Variants in SYCP1 observed in about 807,000 individuals in gnomAD.
SYCP1 encodes the protein synaptonemal complex protein 1.
In SYCP1, 64 loss-of-function variants were observed where a neutral mutation model predicts 153.1. That is an observed-to-expected ratio of 0.42 (90% CI 0.34 to 0.51). SYCP1 has a LOEUF of 0.51. Among genes scored for constraint, SYCP1 ranks in the 20% least tolerant of loss-of-function variants. The pLI is 0.06. For missense variants in SYCP1, 997 were observed against 1,049.0 expected, an observed-to-expected ratio of 0.95 and a Z score of 0.68; for synonymous variants, 384 against 341.8, an observed-to-expected ratio of 1.12 and a Z score of -1.36.
At chr1:114,857,323 C>A (rs779507429) in intron 4 of SYCP1, 48 bp downstream of exon 4, 23 of 1,570,432 alleles carry the variant, frequency 1.5e-5, no homozygotes, top group Non-Finnish European at 2.0e-5. Context: ...AGGTAATGAA[C>A]TGCTTATTTG....
chr1:114,949,909 C>A lies in SYCP1; in HGVS notation c.2322+2589C>A, dbSNP rs571403291. ...CCTCCATTTACATCGTATTGTGTTTCTTTCTGATCATCTATGAAAAAATAT... is the reference window on the plus strand; with the variant it reads ...CCTCCATTTACATCGTATTGTGTTTATTTCTGATCATCTATGAAAAAATAT... On this transcript the variant is annotated intron_variant, in intron 27 of 31. Transcript: ENST00000369522. Among the ~76,000 whole-genome samples, 42 of 152,240 alleles carry A rather than the reference C, an allele frequency of 2.8e-4. No individual in the cohort carries two copies. In the South Asian group the frequency reaches 6.8e-3, roughly 25 times the overall value.
intron 27 of SYCP1, among the ~76,000 whole-genome samples, chr1:114,965,749 A>G (rs996446141): frequency 8.5e-5 from 13 of 152,170 alleles, no homozygotes; most frequent in African/African-American, 2.9e-4. Context: ...TAGGTTTGCC[A>G]GTATTTTATT....
intron 23 of SYCP1, among the ~76,000 whole-genome samples, chr1:114,933,672 C>T (rs539429764): frequency 5.6e-4 from 84 of 149,078 alleles, no homozygotes; most frequent in African/African-American, 9.2e-4. Flanking sequence ...ATTAGACAGA[C>T]GGCTAACTAG....
chr1:114,950,981 C>T (rs570916091), intron 27 of SYCP1, among the ~76,000 whole-genome samples: 56 of 152,112 alleles, frequency 3.7e-4, no homozygotes, highest in Non-Finnish European at 3.8e-4. Flanking sequence ...TCTGCCACCA[C>T]GCCTGGATAA....
In SYCP1 at chr1:114,981,353, A is replaced by G. The variant is rs781009437; in HGVS notation, c.2400A>G (p.Leu800=). ...EKKDKKTQTF[L]LETPEIYWKL... Reference sequence around the variant, plus strand: ...CAATGCAGAAAACACAAACATTTTTATTGGAAACACCTGAAATTTATTGGA... The same window carrying G: ...CAATGCAGAAAACACAAACATTTTTGTTGGAAACACCTGAAATTTATTGGA... The change falls in exon 29 of 32, where the codon TTA becomes TTG. Residue 800 remains leucine, a synonymous_variant. Transcript: ENST00000369522. 1.3e-6 allele frequency: 2 copies of G among 1,592,824 alleles called. No individual in the cohort carries two copies. The highest frequency in any genetic ancestry group is 8.5e-7 in the Non-Finnish European group (1 of 1,173,178).
rs757808132 is a variant in SYCP1 at position 114,914,026 on chromosome 1, G to A, written c.1699G>A (p.Glu567Lys). The A allele has an allele frequency of 6.4e-7, 1 of 1,571,718 alleles. No individual in the cohort carries two copies. The highest frequency in any genetic ancestry group is 8.6e-7 in the Non-Finnish European group (1 of 1,161,306). Residue 567 changes from glutamate to lysine, a missense_variant, in exon 20 of 32, where the codon GAA (glutamate) becomes AAA (lysine). Glu to Lys is a moderately conservative substitution (Grantham distance 56). Coordinates refer to ENST00000369522, the MANE Select transcript of SYCP1 (RefSeq NM_003176.4). ...RMLKQIENLQ[E>K]TETQLRNELE... ...GTTGAAACAAATAGAAAATCTTCAAGAAACAGAAACCCAATTAAGGCAAGA... is the reference window on the plus strand; with the variant it reads ...GTTGAAACAAATAGAAAATCTTCAAAAAACAGAAACCCAATTAAGGCAAGA...
chr1:114,989,021 G>T (rs1210386572), intron 30 of SYCP1, among the ~76,000 whole-genome samples: 1 of 151,840 alleles, frequency 6.6e-6, no homozygotes, highest in African/African-American at 2.4e-5. Context: ...ATGGAAATTA[G>T]TCAGGCATTG....
chr1:114,963,487 C>T (rs1671909436), intron 27 of SYCP1, among the ~76,000 whole-genome samples: 1 of 152,164 alleles, frequency 6.6e-6, no homozygotes, highest in Non-Finnish European at 1.5e-5. Flanking sequence ...AATCTATCAT[C>T]TACATTAGGT....
At chr1:114,859,308 G>C (rs895732799) in intron 6 of SYCP1, among the ~76,000 whole-genome samples, 1 of 152,096 alleles carries the variant, frequency 6.6e-6, no homozygotes, top group Non-Finnish European at 1.5e-5. Context: ...GGCTGGTCTT[G>C]AACTCCTAGA....
At chr1:114,909,593 TG>T (rs1418494559) in intron 16 of SYCP1, among the ~76,000 whole-genome samples, 6 of 151,788 alleles carry the variant, frequency 4.0e-5, no homozygotes, top group Non-Finnish European at 5.9e-5. Flanking sequence ...GTGGGAGAGT[TG>T]GTCTCTGGGC....
Position 114,977,591 on chromosome 1 carries a change from C to A in SYCP1, c.2357C>A (p.Ala786Asp), listed in dbSNP as rs868773341. 1 of 1,504,338 alleles carries A rather than the reference C, an allele frequency of 6.6e-7. No individual in the cohort carries two copies. Among genetic ancestry groups the A allele is most frequent in the East Asian group, 2.4e-5 (1 of 40,912 alleles). 93.2% of individuals were successfully genotyped at this position (1,504,338 alleles called of 1,614,324 possible). The change falls in exon 28 of 32, where the codon GCT becomes GAT. Residue 786 changes from alanine (A) to aspartate (D), a missense_variant. By Grantham distance (126) the Ala-to-Asp change is moderately radical. This residue lies in a region of SYCP1 where 712 missense variants were observed against 682.9 expected (regional missense o/e 1.04). Coordinates refer to ENST00000369522, the MANE Select transcript of SYCP1 (RefSeq NM_003176.4). ...AAAAGAGAGGCAAAAGAAAACACAGCTACTCTTAAAGAAAAAAAAGACAAG... is the reference window on the plus strand; with the variant it reads ...AAAAGAGAGGCAAAAGAAAACACAGATACTCTTAAAGAAAAAAAAGACAAG... ...KLKREAKENT[A>D]TLKEKKDKKT...
chr1:114,941,011 C>A (rs1242135004), intron 23 of SYCP1, among the ~76,000 whole-genome samples: 1 of 151,978 alleles, frequency 6.6e-6, no homozygotes, highest in Non-Finnish European at 1.5e-5. Context: ...TACGATAGAA[C>A]TTTATGTGTA....
At chr1:114,989,712 A>G (rs1158018270) in intron 30 of SYCP1, among the ~76,000 whole-genome samples, 1 of 152,016 alleles carries the variant, frequency 6.6e-6, no homozygotes, top group Non-Finnish European at 1.5e-5. Flanking sequence ...TGAAGTGTCT[A>G]TACTACTATC....
intron 16 of SYCP1, among the ~76,000 whole-genome samples, chr1:114,906,510 T>C (rs1347847529): frequency 2.0e-5 from 3 of 152,156 alleles, no homozygotes; most frequent in African/African-American, 7.2e-5. Flanking sequence ...TGCTATAAAT[T>C]TCCTCTAGTC....
intron 15 of SYCP1, among the ~76,000 whole-genome samples, chr1:114,893,407 A>G (rs1666860765): frequency 6.6e-6 from 1 of 151,596 alleles, no homozygotes; most frequent in African/African-American, 2.4e-5. Context: ...CTCTCTATCT[A>G]AATTTGTTTC....
intron 16 of SYCP1, among the ~76,000 whole-genome samples, chr1:114,908,261 T>G (rs1276047857): frequency 6.6e-6 from 1 of 152,104 alleles, no homozygotes; most frequent in Non-Finnish European, 1.5e-5. Context: ...TCTTATTGTC[T>G]TTGATCCTCC....
intron 15 of SYCP1, 117 bp from the exon 16 acceptor site, chr1:114,895,331 G>C: frequency 2.0e-6 from 1 of 510,566 alleles, no homozygotes; most frequent in Non-Finnish European, 3.4e-6. Flanking sequence ...CATTGCTCTA[G>C]TTGCATTTGT....
Position 114,946,378 on chromosome 1 carries a change from T to C in SYCP1, c.2244T>C (p.Ser748=), listed in dbSNP as rs1670709166. 1 of 1,577,700 alleles carries C rather than the reference T, an allele frequency of 6.3e-7. No homozygotes were observed. The highest frequency in any genetic ancestry group is 1.4e-5 in the African/African-American group (1 of 72,138). ...AAGAACAGTCATCACTGAGAGCATC[T>C]TTGGTGAGATACAGAAAAAATTGCA... ...KEQEQSSLRA[S]LEIELSNLKA... The change falls in exon 26 of 32, where the codon TCT becomes TCC. Residue 748 remains serine (S), a synonymous_variant. Transcript: ENST00000369522.
chr1:114,994,810 G>T, intron 31 of SYCP1, 23 bp downstream of exon 31: 1 of 1,571,974 alleles, frequency 6.4e-7, no homozygotes, highest in South Asian at 1.2e-5. Context: ...TTTTATTTCA[G>T]AAAGCAAATT....
Sources: gnomAD v4.1 joint callset for allele counts (sites outside exome capture counted in the v4.1 genomes callset) on GRCh38, gnomAD v4.1.1 for gene constraint, gnomAD v4.1.1 regional missense constraint, MANE v1.5 for transcripts, NCBI Gene and HGNC (gene_info 2026-07-23, HGNC 2026-07-21) for gene names.